Variants in FGD4 observed in about 807,000 individuals in gnomAD.
The protein encoded by FGD4 is FYVE, RhoGEF and PH domain-containing protein 4.
FGD4 carries 42 observed loss-of-function variants against 102.0 expected under a neutral mutation model. That is an observed-to-expected ratio of 0.41 (90% CI 0.32 to 0.53). The LOEUF (loss-of-function observed/expected upper bound fraction) is 0.53. Ranked by LOEUF, FGD4 falls within the 20% of genes least tolerant of loss-of-function variation. The pLI is 0.21. For synonymous variants in FGD4, 380 were observed against 375.7 expected (o/e 1.01, Z -0.13); for missense variants, 902 against 1,078.2 (o/e 0.84, Z 2.29).
chr12:32,451,157 TG>T (rs756246525), intron 1 of FGD4, among the ~76,000 whole-genome samples: 22 of 152,264 alleles, frequency 1.4e-4, no homozygotes, highest in Non-Finnish European at 2.9e-4. Flanking sequence ...TGCATTTTTT[TG>T]GTCAGTCCTT....
intron 1 of FGD4, among the ~76,000 whole-genome samples, chr12:32,405,364 A>G (rs1012803357): frequency 6.6e-6 from 1 of 151,038 alleles, no homozygotes; most frequent in Non-Finnish European, 1.5e-5. Flanking sequence ...GGTTCAAGCA[A>G]TTCTCTTGCC....
Position 32,610,818 on chromosome 12 carries a change from G to A in FGD4, c.1586G>A (p.Ser529Asn), listed in dbSNP as rs781528826. 7.4e-6 allele frequency: 12 copies of A among 1,613,532 alleles called. No homozygotes were observed. In the Admixed American group the frequency reaches 8.3e-5, roughly 11 times the overall value. Residue 529 changes from serine (S) to asparagine (N), a missense_variant, in exon 9 of 17, where the codon AGT (serine) becomes AAT (asparagine). By Grantham distance (46) the Ser-to-Asn change is conservative (BLOSUM62 1). Coordinates refer to ENST00000534526, the MANE Select transcript of FGD4 (RefSeq NM_001370298.3). ...TCTACAGCAGCAAGCCATTCTAATA[G>A]TGCAATAAGGAAAATGGTAAGTGGT... ...IISTAASHSN[S>N]AIRKMENLKK...
chr12:32,598,553 A>G lies in FGD4; in HGVS notation c.1068A>G (p.Arg356=). 6.2e-7 allele frequency: 1 copy of G among 1,613,768 alleles called. No individual in the cohort carries two copies. ...CCAATGAACTTTTGCTTACTGAAAG[A>G]GCTTATGTCAACCGACTTGACCTCT... ...KIANELLLTE[R]AYVNRLDLLD... The change falls in exon 5 of 17, where the codon AGA becomes AGG. Residue 356 remains arginine (R), a synonymous_variant. Coordinates refer to ENST00000534526, the MANE Select transcript of FGD4 (RefSeq NM_001370298.3).
chr12:32,564,038 G>GGGGAGGGAGAGGGAGT (rs1944966003), intron 1 of FGD4, 99 bp from the exon 2 acceptor site: 1 of 1,115,310 alleles, frequency 9.0e-7, no homozygotes, highest in Non-Finnish European at 1.2e-6. Flanking sequence ...GGAGGGGGAG[G>GGGGAGGGAGAGGGAGT]GGGAGGGAGA....
At chr12:32,604,419 G>T (rs1287998502) in intron 7 of FGD4, among the ~76,000 whole-genome samples, 1 of 151,924 alleles carries the variant, frequency 6.6e-6, no homozygotes, top group Admixed American at 6.6e-5. Context: ...GAACTCCTGG[G>T]TTCAAATGAT....
intron 2 of FGD4, among the ~76,000 whole-genome samples, chr12:32,569,245 C>T (rs1565853176): frequency 6.6e-6 from 1 of 152,184 alleles, no homozygotes; most frequent in Non-Finnish European, 1.5e-5. Context: ...TGCTTCTCCC[C>T]TGTTTTCCTC....
At chr12:32,420,724 A>G (rs1941596271) in intron 1 of FGD4, among the ~76,000 whole-genome samples, 2 of 152,028 alleles carry the variant, frequency 1.3e-5, no homozygotes, top group South Asian at 4.1e-4. Context: ...TTTCTTCACC[A>G]AACTTCTTGT....
intron 2 of FGD4, among the ~76,000 whole-genome samples, chr12:32,568,647 A>G (rs952456871): frequency 6.6e-5 from 10 of 152,242 alleles, no homozygotes; most frequent in Non-Finnish European, 1.3e-4. Context: ...AAAGAGCCAC[A>G]TTGTTGTTTG....
chr12:32,477,727 G>A (rs1269834926), intron 1 of FGD4, among the ~76,000 whole-genome samples: 2 of 152,182 alleles, frequency 1.3e-5, no homozygotes, highest in Non-Finnish European at 2.9e-5. Context: ...AATAGAACCA[G>A]ATGCTCTTTA....
chr12:32,406,813 G>A (rs1241904173), intron 1 of FGD4, among the ~76,000 whole-genome samples: 1 of 151,492 alleles, frequency 6.6e-6, no homozygotes, highest in Admixed American at 6.6e-5. Context: ...TTTTTTGTTT[G>A]TTTGCTTTTT....
rs571496310 is a variant in FGD4 at position 32,582,447 on chromosome 12, G to A, written c.991G>A (p.Asp331Asn). Residue 331 changes from aspartate (D) to asparagine (N), a missense_variant, in exon 4 of 17, where the codon GAC becomes AAC. Coordinates refer to ENST00000534526, the MANE Select transcript of FGD4 (RefSeq NM_001370298.3). Reference protein sequence around the residue: ...GESPLELEQLDQHHEMKETNE... With the variant: ...GESPLELEQLNQHHEMKETNE... ...AAGCCCTCTGGAACTGGAGCAGCTG[G>A]ACCAGCACCATGAGATGAAGGTAGA... 6.2e-7 allele frequency: 1 copy of A among 1,611,460 alleles called. No individual in the cohort carries two copies. Among genetic ancestry groups the A allele is most frequent in the African/African-American group, 1.3e-5 (1 of 75,054 alleles).
intron 2 of FGD4, among the ~76,000 whole-genome samples, chr12:32,566,712 C>G (rs191795449): frequency 6.6e-5 from 10 of 152,242 alleles, no homozygotes; most frequent in Admixed American, 6.5e-4. Context: ...TGGAGAGAAG[C>G]TGATTTTAAT....
chr12:32,457,244 A>ATT (rs147528327), intron 1 of FGD4, among the ~76,000 whole-genome samples: 3 of 151,062 alleles, frequency 2.0e-5, no homozygotes, highest in South Asian at 2.1e-4. Context: ...ATTGTTTATA[A>ATT]TTTTTTTTTT....
At chr12:32,559,709 T>C (rs538984195) in intron 1 of FGD4, among the ~76,000 whole-genome samples, 3 of 152,374 alleles carry the variant, frequency 2.0e-5, no homozygotes, top group South Asian at 4.1e-4. Flanking sequence ...TACCATACCC[T>C]GAAAGTTTGC....
chr12:32,603,782 A>G (rs765183506), intron 7 of FGD4, among the ~76,000 whole-genome samples: 14 of 151,608 alleles, frequency 9.2e-5, no homozygotes, highest in Middle Eastern at 3.4e-3. Flanking sequence ...AGCTCACTGC[A>G]GCCTTGAACA....
intron 4 of FGD4, among the ~76,000 whole-genome samples, chr12:32,596,959 A>T (rs1947952857): frequency 6.6e-6 from 1 of 151,980 alleles, no homozygotes; most frequent in Non-Finnish European, 1.5e-5. Flanking sequence ...ACAAAAAGAG[A>T]AGTACATGGA....
chr12:32,566,985 G>C (rs1945240729), intron 2 of FGD4, among the ~76,000 whole-genome samples: 1 of 152,190 alleles, frequency 6.6e-6, no homozygotes, highest in Non-Finnish European at 1.5e-5. Context: ...CTTTCTTCCT[G>C]GTCCAGGGCG....
intron 15 of FGD4, 142 bp downstream of exon 15, chr12:32,633,831 A>G: frequency 1.4e-6 from 1 of 726,174 alleles, no homozygotes; most frequent in Non-Finnish European, 2.2e-6. Flanking sequence ...TTACAGGCCC[A>G]CGCCACCATG....
At chr12:32,517,457 C>A (rs1940013158) in intron 1 of FGD4, among the ~76,000 whole-genome samples, 1 of 152,002 alleles carries the variant, frequency 6.6e-6, no homozygotes, top group Non-Finnish European at 1.5e-5. Flanking sequence ...ACACATATAT[C>A]CTTATTAAAT....
Sources: gnomAD v4.1 joint callset for allele counts (sites outside exome capture counted in the v4.1 genomes callset) on GRCh38, gnomAD v4.1.1 for gene constraint, MANE v1.5 for transcripts, NCBI Gene and HGNC (gene_info 2026-07-23, HGNC 2026-07-21) for gene names.